The following HIRA variants were observed in gnomAD, a reference collection of about 807,000 sequenced individuals.
HIRA encodes protein HIRA.
A neutral mutation model predicts 126.6 loss-of-function variants in HIRA; 13 were observed. That is an observed-to-expected ratio of 0.10 (90% CI 0.07 to 0.16). The LOEUF is 0.16. Among genes scored for constraint, HIRA ranks in the 10% least tolerant of loss-of-function variants. HIRA has a pLI of 1.00. For synonymous variants in HIRA, 511 were observed against 520.0 expected (o/e 0.98, Z 0.24); for missense variants, 834 against 1,314.4 (o/e 0.63, Z 5.65).
At chr22:19,414,561 T>A (rs2089380018) in intron 1 of HIRA, among the ~76,000 whole-genome samples, 1 of 152,242 alleles carries the variant, frequency 6.6e-6, no homozygotes, top group Non-Finnish European at 1.5e-5. Flanking sequence ...CCTTTTGGAA[T>A]GAAGCTTGGG....
At chr22:19,393,443 C>T (rs1057344610) in intron 8 of HIRA, among the ~76,000 whole-genome samples, 1 of 152,160 alleles carries the variant, frequency 6.6e-6, no homozygotes, top group Non-Finnish European at 1.5e-5. Flanking sequence ...CTGCAACCTC[C>T]GCCTCCCGGG....
intron 9 of HIRA, among the ~76,000 whole-genome samples, chr22:19,390,746 C>T (rs1472455130): frequency 1.3e-5 from 2 of 151,764 alleles, no homozygotes; most frequent in African/African-American, 4.8e-5. Context: ...CGTCAGCTTT[C>T]TGTGTGTCTT....
intron 24 of HIRA, among the ~76,000 whole-genome samples, chr22:19,345,886 C>CA (rs2088681369): frequency 6.6e-6 from 1 of 152,176 alleles, no homozygotes; most frequent in African/African-American, 2.4e-5. Flanking sequence ...CTGAACCATG[C>CA]AAAGGATCCT....
intron 1 of HIRA, among the ~76,000 whole-genome samples, chr22:19,423,482 TACACACACACACACACACAC>T (rs777914879): frequency 1.3e-4 from 14 of 111,214 alleles, no homozygotes; most frequent in African/African-American, 4.9e-4. Flanking sequence ...CACACATGCA[TACACACACACACACACACAC>T]ACACACACAC....
At chr22:19,387,395 G>A (rs973602148) in intron 11 of HIRA, among the ~76,000 whole-genome samples, 4 of 152,124 alleles carry the variant, frequency 2.6e-5, no homozygotes, top group Admixed American at 1.3e-4. Context: ...CATGAGCAGG[G>A]GCCCCTGAGG....
rs188759262 is a variant in HIRA, at chr22:19,367,500, G to A, written c.1776-5569C>T. ...TCCTGCCTCAGCCTCCCAAGTAGCT[G>A]AGATTACAGGCACGCACCACCACGC... On this transcript the variant is annotated intron_variant, in intron 15 of 24. Transcript: ENST00000263208. 1.8e-3 allele frequency among the ~76,000 whole-genome samples: 269 copies of A among 152,054 alleles called. 2 individuals are homozygous for A. The highest frequency in any genetic ancestry group is 6.1e-3 in the African/African-American group (255 of 41,470).
chr22:19,410,417 C>T (rs2089343210), intron 2 of HIRA, among the ~76,000 whole-genome samples: 1 of 152,200 alleles, frequency 6.6e-6, no homozygotes, highest in Admixed American at 6.5e-5. Flanking sequence ...GCCCACTGGA[C>T]CACCTACCGC....
At position 19,392,117 on chromosome 22, in the gene HIRA, C is replaced by T. The variant is rs2089188167; in HGVS notation, c.920G>A (p.Arg307His). The change falls in exon 9 of 25, where the codon CGC becomes CAC. Residue 307 changes from arginine (R) to histidine (H), a missense_variant. Physicochemically the swap from Arg to His is conservative, Grantham distance 29. Coordinates refer to ENST00000263208, the MANE Select transcript of HIRA (RefSeq NM_003325.4). Reference protein sequence around the residue: ...YCCCAVGSKDRSLSVWLTCLK... With the variant: ...YCCCAVGSKDHSLSVWLTCLK... ...CAGGCTCACCCAGACAGAAAGCGAG[C>T]GGTCCTTGCTGCCAACAGCACAGCA... 1.9e-6 allele frequency: 3 copies of T among 1,585,466 alleles called. No homozygotes were observed. The highest frequency in any genetic ancestry group is 2.6e-6 in the Non-Finnish European group (3 of 1,157,534).
intron 24 of HIRA, among the ~76,000 whole-genome samples, chr22:19,332,796 G>GA (rs1556004922): frequency 7.0e-6 from 1 of 143,178 alleles, no homozygotes; most frequent in African/African-American, 2.6e-5. Flanking sequence ...AAAGACTAAA[G>GA]AAAAAAAGGA....
intron 15 of HIRA, among the ~76,000 whole-genome samples, chr22:19,368,499 AT>A (rs1325717932): frequency 6.6e-6 from 1 of 151,964 alleles, no homozygotes; most frequent in Non-Finnish European, 1.5e-5. Context: ...TAAAAATCAG[AT>A]CATGTACATT....
intron 13 of HIRA, among the ~76,000 whole-genome samples, chr22:19,382,508 G>A (rs555187973): frequency 3.2e-4 from 48 of 152,328 alleles, no homozygotes; most frequent in Non-Finnish European, 5.3e-4. Context: ...TGCTCTACTC[G>A]TGGGGACCTC....
intron 9 of HIRA, among the ~76,000 whole-genome samples, chr22:19,390,034 T>A (rs1412156483): frequency 6.6e-6 from 1 of 151,830 alleles, no homozygotes; most frequent in African/African-American, 2.4e-5. Context: ...CTTTGCTTTA[T>A]CAAACTTTAA....
Position 19,431,421 on chromosome 22 carries a change from G to T in HIRA, c.37+19C>A, listed in dbSNP as rs746798294. 2.5e-6 allele frequency: 4 copies of T among 1,607,890 alleles called. No individual in the cohort carries two copies. The South Asian group carries it at 4.4e-5, about 18-fold the overall frequency. ...CCCGACTCCGGGCTCGGCCTCCCGC[G>T]ACCCCTGCGCGCACTCACCATTGTG... On this transcript the variant is annotated intron_variant, in intron 1 of 24. Transcript: ENST00000263208.
In HIRA at chr22:19,394,647, C is replaced by T. The variant is rs534542108; in HGVS notation, c.655-138G>A. ...CACCCCAAGCTTCTGGCTACACTGA[C>T]AGCTTCTGTCTCACCAGATGGCCCA... On this transcript the variant is annotated intron_variant, in intron 7 of 24. Coordinates refer to ENST00000263208, the MANE Select transcript of HIRA (RefSeq NM_003325.4). 37 of 840,064 alleles carry T rather than the reference C, an allele frequency of 4.4e-5. No homozygotes were observed. The African/African-American group carries it at 5.8e-4, about 13-fold the overall frequency. The allele number at this position is 840,064 out of a possible 1,614,324, so 52.0% of individuals were successfully genotyped here.
intron 24 of HIRA, among the ~76,000 whole-genome samples, chr22:19,350,054 C>A (rs1383799521): frequency 6.6e-6 from 1 of 151,510 alleles, no homozygotes; most frequent in Non-Finnish European, 1.5e-5. Flanking sequence ...GTGGCGCGAT[C>A]TTGGCTCACT....
chr22:19,371,462 CTTTT>C (rs1238125450), intron 15 of HIRA, among the ~76,000 whole-genome samples: 2 of 151,390 alleles, frequency 1.3e-5, no homozygotes, highest in African/African-American at 4.9e-5. Flanking sequence ...GTGTATTATT[CTTTT>C]AATTTTTATT....
At chr22:19,412,205 C>T (rs1322720209) in intron 1 of HIRA, among the ~76,000 whole-genome samples, 1 of 152,070 alleles carries the variant, frequency 6.6e-6, no homozygotes, top group Non-Finnish European at 1.5e-5. Flanking sequence ...ACCCTGAGAC[C>T]ACCATGTTTT....
chr22:19,393,679 C>T (rs940944610), intron 8 of HIRA, among the ~76,000 whole-genome samples: 3 of 152,128 alleles, frequency 2.0e-5, no homozygotes, highest in East Asian at 1.9e-4. Flanking sequence ...TATTTAAACA[C>T]GGGCAAAAGT....
At chr22:19,374,319 G>A (rs2088997276) in intron 15 of HIRA, among the ~76,000 whole-genome samples, 1 of 151,892 alleles carries the variant, frequency 6.6e-6, no homozygotes, top group Non-Finnish European at 1.5e-5. Context: ...CACAACACCT[G>A]GATAATTTTT....
Sources: allele counts gnomAD v4.1 joint callset (sites outside exome capture counted in the v4.1 genomes callset), GRCh38; gene constraint gnomAD v4.1.1; transcripts MANE v1.5; gene names NCBI Gene and HGNC (gene_info 2026-07-23, HGNC 2026-07-21).